The following PTCHD4 variants were observed in gnomAD, a reference collection of about 807,000 sequenced individuals.
The protein encoded by PTCHD4 is patched domain-containing protein 4.
Under a neutral mutation model 58.1 loss-of-function variants are expected in PTCHD4, and 33 were observed. The observed-to-expected ratio is 0.57, with a 90% CI of 0.43 to 0.76. The LOEUF (loss-of-function observed/expected upper bound fraction) is 0.76, where lower values mean the gene tolerates loss of function less well. PTCHD4 is among the 30% of genes least tolerant of loss of function. PTCHD4 has a pLI of 0.00. For synonymous variants in PTCHD4, 478 were observed against 409.6 expected (o/e 1.17, Z -2.02); for missense variants, 1,058 against 1,027.1 (o/e 1.03, Z -0.41).
Position 48,060,035 on chromosome 6 carries a change from T to TTG in PTCHD4, c.417+8193_417+8194dup, listed in dbSNP as rs1230956923. ...TGTAATTATGAATTTATCTATGTGA[T>TTG]TGTGTGTGTGTGTGCTTTCTTTAAC... is the stretch of plus-strand genomic sequence containing the variant. On this transcript the variant is annotated intron_variant, in intron 3 of 4. Coordinates refer to ENST00000339488, the MANE Select transcript of PTCHD4 (RefSeq NM_001384253.1). Among the ~76,000 whole-genome samples the TTG allele has an allele frequency of 6.6e-5, 10 of 152,182 alleles. No individual in the cohort carries two copies. The East Asian group carries it at 7.7e-4, about 12-fold the overall frequency.
chr6:48,012,537 C>T (rs1172709862), intron 3 of PTCHD4, among the ~76,000 whole-genome samples: 1 of 152,178 alleles, frequency 6.6e-6, no homozygotes, highest in African/African-American at 2.4e-5. Context: ...GATTTGACTT[C>T]CTCTCTTCCT....
intron 4 of PTCHD4, among the ~76,000 whole-genome samples, chr6:47,904,519 GA>G (rs1764814797): frequency 6.6e-6 from 1 of 152,184 alleles, no homozygotes; most frequent in Non-Finnish European, 1.5e-5. Flanking sequence ...GCTCTTCACA[GA>G]AAAAGTTTGC....
rs556647327 is a variant in PTCHD4 at position 47,864,305 on chromosome 6, G to GATAT, written c.*13994_*13997dup. 1.3e-5 allele frequency among the ~76,000 whole-genome samples: 2 copies of GATAT among 148,206 alleles called. No homozygotes were observed. The highest frequency in any genetic ancestry group is 2.1e-4 in the South Asian group (1 of 4,694). On this transcript the variant is annotated 3_prime_UTR_variant, in exon 5 of 5. Transcript: ENST00000339488. ...TATAAATGGAGCCCATTATTTTTGA[G>GATAT]ATATATATATACACACACACACACA... is the stretch of plus-strand genomic sequence containing the variant.
In PTCHD4 at chr6:47,865,518, C is replaced by A. The variant is rs1423323232; in HGVS notation, c.*12785G>T. Among the ~76,000 whole-genome samples the A allele has an allele frequency of 6.6e-6, 1 of 151,774 alleles. No homozygotes were observed. The highest frequency in any genetic ancestry group is 1.5e-5 in the Non-Finnish European group (1 of 67,854). ...GAGCTAATAACTAGTTACTGTTATA[C>A]CACATTAAATTCACTAATGTGAATA... On this transcript the variant is annotated 3_prime_UTR_variant, in exon 5 of 5. Coordinates refer to ENST00000339488, the MANE Select transcript of PTCHD4 (RefSeq NM_001384253.1).
At chr6:47,977,663 C>T (rs997396068) in intron 4 of PTCHD4, among the ~76,000 whole-genome samples, 2 of 152,076 alleles carry the variant, frequency 1.3e-5, no homozygotes, top group Non-Finnish European at 2.9e-5. Flanking sequence ...GCAAGTAAAT[C>T]ATAGGATAAT....
rs1043695431 is a variant in PTCHD4, at chr6:47,857,985, A to C, written c.*20318T>G. On this transcript the variant is annotated 3_prime_UTR_variant, in exon 5 of 5. Transcript: ENST00000339488. Reference sequence around the variant, plus strand: ...GGATGTCATTTGTTTCACATCTCAAACCCAAACCCCAAACACAAACATTTC... The same window carrying C: ...GGATGTCATTTGTTTCACATCTCAACCCCAAACCCCAAACACAAACATTTC... Among the ~76,000 whole-genome samples, 2 of 151,936 alleles carry C rather than the reference A, an allele frequency of 1.3e-5. No homozygotes were observed. The highest frequency in any genetic ancestry group is 4.8e-5 in the African/African-American group (2 of 41,386).
intron 1 of PTCHD4, among the ~76,000 whole-genome samples, chr6:48,074,945 T>C (rs995146347): frequency 6.6e-6 from 1 of 152,156 alleles, no homozygotes; most frequent in Admixed American, 6.5e-5. Context: ...TTAAAAATTA[T>C]CTTTATTTAA....
chr6:48,071,206 T>A (rs898799976), intron 1 of PTCHD4, among the ~76,000 whole-genome samples: 1 of 152,216 alleles, frequency 6.6e-6, no homozygotes, highest in African/African-American at 2.4e-5. Context: ...TTTTTTCTTA[T>A]TCGCTTCATT....
At chr6:48,066,126 C>T (rs1764787419) in intron 3 of PTCHD4, among the ~76,000 whole-genome samples, 1 of 149,564 alleles carries the variant, frequency 6.7e-6, no homozygotes, top group South Asian at 2.1e-4. Context: ...GAGACGGGAT[C>T]CCTCTGTCAC....
chr6:47,957,271 TTA>T (rs1007326649), intron 4 of PTCHD4, among the ~76,000 whole-genome samples: 1 of 147,890 alleles, frequency 6.8e-6, no homozygotes, highest in African/African-American at 2.5e-5. Flanking sequence ...AATATATATA[TTA>T]TATATATAGT....
chr6:48,019,777 T>C (rs1380263958), intron 3 of PTCHD4, among the ~76,000 whole-genome samples: 1 of 151,910 alleles, frequency 6.6e-6, no homozygotes, highest in African/African-American at 2.4e-5. Context: ...TGGCAGTGAT[T>C]AACACAAGAT....
intron 3 of PTCHD4, among the ~76,000 whole-genome samples, chr6:48,030,636 A>G (rs1055016962): frequency 2.0e-5 from 3 of 152,138 alleles, no homozygotes; most frequent in African/African-American, 4.8e-5. Flanking sequence ...ATACCCAGTA[A>G]TATCACTGAA....
intron 4 of PTCHD4, among the ~76,000 whole-genome samples, chr6:47,916,549 G>T (rs1765251197): frequency 6.6e-6 from 1 of 152,006 alleles, no homozygotes; most frequent in Non-Finnish European, 1.5e-5. Flanking sequence ...AATTATGAAA[G>T]AGCTAGACCT....
intron 4 of PTCHD4, among the ~76,000 whole-genome samples, chr6:47,939,969 A>G (rs1766148586): frequency 6.6e-6 from 1 of 152,054 alleles, no homozygotes; most frequent in Admixed American, 6.5e-5. Context: ...CTGACTCCCC[A>G]TAACAAAGGG....
At position 47,866,735 on chromosome 6, in the gene PTCHD4, C is replaced by G. The variant is rs1763572567; in HGVS notation, c.*11568G>C. ...ACCACTATTATAATTAAAACTTTAA[C>G]TATTAAAAAGGACAAGGGTAATGTA... On this transcript the variant is annotated 3_prime_UTR_variant, in exon 5 of 5. Transcript: ENST00000339488. 6.6e-6 allele frequency among the ~76,000 whole-genome samples: 1 copy of G among 151,716 alleles called. No individual in the cohort carries two copies. The highest frequency in any genetic ancestry group is 2.4e-5 in the African/African-American group (1 of 41,360).
At chr6:47,914,758 A>T (rs979154013) in intron 4 of PTCHD4, among the ~76,000 whole-genome samples, 1 of 147,658 alleles carries the variant, frequency 6.8e-6, no homozygotes, top group Admixed American at 6.7e-5. Context: ...CTATCTATCT[A>T]TCTATCTATC....
Position 48,069,742 on chromosome 6 carries a change from T to A in PTCHD4, c.-785A>T, listed in dbSNP as rs547882310. On this transcript the variant is annotated 5_prime_UTR_variant, in exon 2 of 5. Transcript: ENST00000339488. ...TGAGGTTTCTCATAACATGTTACAT[T>A]CACTTTCTGTATTCTTGAGATTAAA... 2.3e-4 allele frequency among the ~76,000 whole-genome samples: 35 copies of A among 152,292 alleles called. No individual in the cohort carries two copies. In the South Asian group the frequency reaches 6.8e-3, roughly 30 times the overall value.
Position 47,877,252 on chromosome 6 carries a change from A to G in PTCHD4, c.*1051T>C, listed in dbSNP as rs551806524. Among the ~76,000 whole-genome samples, 91 of 152,012 alleles carry G rather than the reference A, an allele frequency of 6.0e-4. No individual in the cohort carries two copies. Among genetic ancestry groups the G allele is most frequent in the African/African-American group, 2.1e-3 (88 of 41,494 alleles). ...ATATTCCATGACAGTTATTTTCCCTATCTAAAATAAGAACGGTGTAACTAT... is the reference window on the plus strand; with the variant it reads ...ATATTCCATGACAGTTATTTTCCCTGTCTAAAATAAGAACGGTGTAACTAT... On this transcript the variant is annotated 3_prime_UTR_variant, in exon 5 of 5. Coordinates refer to ENST00000339488, the MANE Select transcript of PTCHD4 (RefSeq NM_001384253.1).
At chr6:48,026,017 A>G (rs1011019104) in intron 3 of PTCHD4, among the ~76,000 whole-genome samples, 2 of 152,174 alleles carry the variant, frequency 1.3e-5, no homozygotes, top group Non-Finnish European at 2.9e-5. Context: ...AGAACAGACA[A>G]TAAGTATGAA....
Sources: gnomAD v4.1 joint callset for allele counts (sites outside exome capture counted in the v4.1 genomes callset) on GRCh38, gnomAD v4.1.1 for gene constraint, MANE v1.5 for transcripts, NCBI Gene and HGNC (gene_info 2026-07-23, HGNC 2026-07-21) for gene names.